CCDC3: variants seen among roughly 807,000 people sequenced by gnomAD.
CCDC3 encodes coiled-coil domain-containing protein 3.
CCDC3 carries 24 observed loss-of-function variants against 21.4 expected under a neutral mutation model. That is an observed-to-expected ratio of 1.12 (90% CI 0.81 to 1.58). CCDC3 has a LOEUF of 1.58. CCDC3 is among the 40% of genes most tolerant of loss of function. The pLI, the probability that CCDC3 is intolerant of heterozygous loss-of-function variation, is 0.00. For missense variants in CCDC3, 425 were observed against 360.9 expected (o/e 1.18, Z -1.44); for synonymous variants, 186 against 166.0 (o/e 1.12, Z -0.93).
At chr10:12,978,309 G>A (rs574101283) in intron 2 of CCDC3, among the ~76,000 whole-genome samples, 9 of 152,222 alleles carry the variant, frequency 5.9e-5, no homozygotes, top group African/African-American at 9.6e-5. Flanking sequence ...ATGCGCCACC[G>A]CACCTGGCCA....
At chr10:12,995,725 G>C (rs1321527255) in intron 2 of CCDC3, among the ~76,000 whole-genome samples, 1 of 152,122 alleles carries the variant, frequency 6.6e-6, no homozygotes, top group Admixed American at 6.5e-5. Flanking sequence ...CTTTTTCTCT[G>C]AGCCTGGAAT....
chr10:13,019,081 A>G (rs537502818), intron 5 of CCDC3, among the ~76,000 whole-genome samples: 1 of 152,214 alleles, frequency 6.6e-6, no homozygotes, highest in African/African-American at 2.4e-5. Context: ...AAAATACAAA[A>G]AAATTAGCCG....
intron 2 of CCDC3, among the ~76,000 whole-genome samples, chr10:12,927,240 T>A (rs1251020): frequency 6.6e-6 from 1 of 152,204 alleles, no homozygotes; most frequent in African/African-American, 2.4e-5. Flanking sequence ...TTCATCTATC[T>A]GCTGGCCCTT....
chr10:12,928,464 TGAA>T (rs749143365), intron 2 of CCDC3, among the ~76,000 whole-genome samples: 16 of 152,226 alleles, frequency 1.1e-4, no homozygotes, highest in Non-Finnish European at 8.8e-5. Context: ...CATCAGCAGT[TGAA>T]GAAGTGAACC....
intron 2 of CCDC3, among the ~76,000 whole-genome samples, chr10:12,937,216 G>A (rs1025789594): frequency 3.9e-5 from 6 of 152,046 alleles, no homozygotes; most frequent in Non-Finnish European, 7.3e-5. Flanking sequence ...GTTTTTGCTC[G>A]GGTAAGTTGT....
Position 12,929,813 on chromosome 10 carries a change from G to A in CCDC3, c.550-31134C>T, listed in dbSNP as rs569674249. Among the ~76,000 whole-genome samples, 69 of 152,250 alleles carry A rather than the reference G, an allele frequency of 4.5e-4. 1 individual carries two copies. The highest frequency in any genetic ancestry group is 1.6e-3 in the African/African-American group (66 of 41,548). The stretch of plus-strand genomic sequence containing the variant: ...GATGGTAGTTTAATGCAATGGGGCG[G>A]GGGGATGATCAAACACATGTAAATG... On this transcript the variant is annotated intron_variant, in intron 2 of 2. Transcript: ENST00000378825.
rs907100585 is a variant in CCDC3, at chr10:13,001,164, A to G, written c.374+33T>C. 1.2e-5 allele frequency: 19 copies of G among 1,541,422 alleles called. No homozygotes were observed. In the Admixed American group the frequency reaches 3.6e-4, roughly 29 times the overall value. ...CGACCTCGGGAGGTGGCGCAGAGAG[A>G]GAGAGAGGTGGCGGCGGCGCCGCCG... On this transcript the variant is annotated intron_variant, in intron 1 of 2. Transcript: ENST00000378825.
chr10:13,097,765 G>C (rs1832646624), intron 3 of CCDC3, among the ~76,000 whole-genome samples: 1 of 152,150 alleles, frequency 6.6e-6, no homozygotes, highest in South Asian at 2.1e-4. Flanking sequence ...CTGCTTTAGA[G>C]TCCAGAATTC....
At chr10:12,935,850 G>A (rs7089944) in intron 2 of CCDC3, among the ~76,000 whole-genome samples, 125,005 of 152,150 alleles carry the variant, frequency 0.82, 51,802 homozygotes, top group East Asian at 0.97. Context: ...ACACTTTCAA[G>A]TAACACTACA....
intron 2 of CCDC3, among the ~76,000 whole-genome samples, chr10:12,979,259 CACT>C (rs1835461506): frequency 1.3e-5 from 2 of 152,076 alleles, no homozygotes; most frequent in Non-Finnish European, 1.5e-5. Flanking sequence ...AAGAATGCAC[CACT>C]GACTTTTCAC....
At chr10:13,013,320 C>A (rs918817590) in intron 5 of CCDC3, among the ~76,000 whole-genome samples, 1 of 152,204 alleles carries the variant, frequency 6.6e-6, no homozygotes, top group Admixed American at 6.5e-5. Context: ...TAGCCACAAA[C>A]ATTTTGTGCC....
At chr10:13,075,753 G>A (rs1363685364) in intron 3 of CCDC3, among the ~76,000 whole-genome samples, 1 of 151,906 alleles carries the variant, frequency 6.6e-6, no homozygotes, top group Non-Finnish European at 1.5e-5. Flanking sequence ...TTTATGTATC[G>A]ATGTGGGTAG....
intron 2 of CCDC3, among the ~76,000 whole-genome samples, chr10:12,926,881 C>T (rs935789372): frequency 4.6e-5 from 7 of 152,068 alleles, no homozygotes; most frequent in Non-Finnish European, 1.5e-5. Flanking sequence ...ACATTATAAT[C>T]ATAAATGTGT....
chr10:12,994,842 A>T (rs1412813487), intron 2 of CCDC3, among the ~76,000 whole-genome samples: 1 of 152,158 alleles, frequency 6.6e-6, no homozygotes, highest in South Asian at 2.1e-4. Flanking sequence ...GCACTTTGGG[A>T]GGCTGAGGCA....
chr10:12,988,942 T>A (rs1309325163), intron 2 of CCDC3, among the ~76,000 whole-genome samples: 1 of 152,216 alleles, frequency 6.6e-6, no homozygotes, highest in East Asian at 1.9e-4. Context: ...ACAATCAGAA[T>A]AAGTTAATAG....
chr10:13,009,700 G>A (rs2131397852), intron 5 of CCDC3, among the ~76,000 whole-genome samples: 1 of 152,276 alleles, frequency 6.6e-6, no homozygotes, highest in East Asian at 1.9e-4. Flanking sequence ...TGAACAAATG[G>A]TGCTAGAACA....
chr10:13,019,817 G>A (rs368857199), intron 5 of CCDC3, among the ~76,000 whole-genome samples: 2 of 151,890 alleles, frequency 1.3e-5, no homozygotes, highest in East Asian at 3.9e-4. Flanking sequence ...CCAATATGGT[G>A]AAACCCCGTC....
intron 4 of CCDC3, among the ~76,000 whole-genome samples, chr10:13,056,967 A>G (rs993519410): frequency 6.6e-6 from 1 of 152,164 alleles, no homozygotes; most frequent in African/African-American, 2.4e-5. Context: ...CCACTTTGCC[A>G]TTATCTGGGC....
At chr10:12,971,771 C>T (rs1325683707) in intron 2 of CCDC3, among the ~76,000 whole-genome samples, 4 of 152,092 alleles carry the variant, frequency 2.6e-5, no homozygotes, top group African/African-American at 9.7e-5. Flanking sequence ...CTGCAACCTC[C>T]GCCTCCCAGG....
Sources: gnomAD v4.1 joint callset for allele counts (sites outside exome capture counted in the v4.1 genomes callset) on GRCh38, gnomAD v4.1.1 for gene constraint, MANE v1.5 for transcripts, NCBI Gene and HGNC (gene_info 2026-07-23, HGNC 2026-07-21) for gene names.